KLF7: variants seen among roughly 807,000 people sequenced by gnomAD.
KLF7 encodes the protein KLF transcription factor 7.
In KLF7, 2 loss-of-function variants were observed where a neutral mutation model predicts 27.3. That is an observed-to-expected ratio of 0.07 (90% CI 0.03 to 0.23). The LOEUF (loss-of-function observed/expected upper bound fraction) is 0.23, where lower values mean the gene tolerates loss of function less well. Ranked by LOEUF, KLF7 falls within the 10% of genes least tolerant of loss-of-function variation. KLF7 has a pLI of 1.00. For missense variants in KLF7, 221 were observed against 394.1 expected (o/e 0.56, Z 3.72); for synonymous variants, 165 against 162.4 (o/e 1.02, Z -0.12).
intron 2 of KLF7, among the ~76,000 whole-genome samples, chr2:207,089,605 G>A (rs932085750): frequency 6.6e-6 from 1 of 152,168 alleles, no homozygotes; most frequent in African/African-American, 2.4e-5. Flanking sequence ...CTGAGAGGCA[G>A]GTTAGTATGT....
intron 1 of KLF7, among the ~76,000 whole-genome samples, chr2:207,157,219 T>TAAAAAAAAAAAAAAAAAAAAAAAAAA (rs5838052): frequency 4.6e-5 from 4 of 87,308 alleles, no homozygotes; most frequent in African/African-American, 8.6e-5. Context: ...AACAGAAAAG[T>TAAAAAAAAAAAAAAAAAAAAAAAAAA]AAAAAAAAAA....
chr2:207,106,428 T>C (rs538415416), intron 2 of KLF7, among the ~76,000 whole-genome samples: 2 of 152,274 alleles, frequency 1.3e-5, no homozygotes, highest in South Asian at 4.1e-4. Flanking sequence ...ATGTAAAACA[T>C]ATTTAGAAAG....
intron 3 of KLF7, among the ~76,000 whole-genome samples, chr2:207,082,254 A>G (rs1391882727): frequency 1.3e-5 from 2 of 152,172 alleles, no homozygotes; most frequent in Admixed American, 6.5e-5. Flanking sequence ...GGCCAATGAG[A>G]ACCAGCCCTG....
chr2:207,101,088 C>G (rs1334548930), intron 2 of KLF7, among the ~76,000 whole-genome samples: 1 of 152,194 alleles, frequency 6.6e-6, no homozygotes, highest in African/African-American at 2.4e-5. Context: ...TGCATTATCT[C>G]CGAAACACTT....
At chr2:207,168,332 A>G (rs1329294156), upstream of KLF7, among the ~76,000 whole-genome samples, 1 of 152,252 alleles carries the variant, frequency 6.6e-6, no homozygotes, top group East Asian at 1.9e-4. Flanking sequence ...CCGTATGCGC[A>G]TAAACACTTT....
At position 207,077,489 on chromosome 2, in the gene KLF7, G is replaced by C. The variant is rs529865099; in HGVS notation, c.*3724C>G. ...GCACAAGAGGTGCAGGTGGAGAGGA[G>C]ATGGCGTCGAGAGAAGAGGATATTT... On this transcript the variant is annotated 3_prime_UTR_variant, in exon 4 of 4. Coordinates refer to ENST00000309446, the MANE Select transcript of KLF7 (RefSeq NM_003709.4). The C allele has an allele frequency of 6.6e-6, 1 of 152,246 alleles. No individual in the cohort carries two copies. Among genetic ancestry groups the C allele is most frequent in the East Asian group, 1.9e-4 (1 of 5,192 alleles). The allele number at this position is 152,246 out of a possible 1,614,324, so 9.4% of individuals were successfully genotyped here.
chr2:207,165,637 A>G lies in KLF7; in HGVS notation c.-69T>C. On this transcript the variant is annotated 5_prime_UTR_variant, in exon 1 of 4. Transcript: ENST00000309446. ...ACACAGTTGGGGCTGTTTGTTTGTC[A>G]GTCTGTCTGGCTCACCCCCCAAGAA... is the stretch of plus-strand genomic sequence containing the variant. 1.9e-6 allele frequency: 3 copies of G among 1,607,092 alleles called. No homozygotes were observed. Among genetic ancestry groups the G allele is most frequent in the Non-Finnish European group, 2.5e-6 (3 of 1,176,970 alleles).
intron 2 of KLF7, among the ~76,000 whole-genome samples, chr2:207,109,453 A>G (rs2076969699): frequency 6.6e-6 from 1 of 152,246 alleles, no homozygotes; most frequent in Admixed American, 6.5e-5. Context: ...GTGATGGTTC[A>G]GCAGTGAAAT....
intron 1 of KLF7, among the ~76,000 whole-genome samples, chr2:207,149,707 T>C (rs1288309026): frequency 6.6e-6 from 1 of 152,194 alleles, no homozygotes; most frequent in African/African-American, 2.4e-5. Flanking sequence ...AACATATTCA[T>C]TTGAAGAGTT....
At chr2:207,129,329 C>T (rs2077562153) in intron 1 of KLF7, among the ~76,000 whole-genome samples, 1 of 152,206 alleles carries the variant, frequency 6.6e-6, no homozygotes, top group African/African-American at 2.4e-5. Flanking sequence ...AGGCTTCCCT[C>T]AGCCTGACCT....
chr2:207,091,887 G>A (rs2076520600), intron 2 of KLF7, among the ~76,000 whole-genome samples: 1 of 152,122 alleles, frequency 6.6e-6, no homozygotes, highest in Non-Finnish European at 1.5e-5. Flanking sequence ...CTGTAGCCAT[G>A]ATACATTTGT....
chr2:207,116,734 C>A (rs1303343793), intron 2 of KLF7, among the ~76,000 whole-genome samples: 6 of 152,142 alleles, frequency 3.9e-5, no homozygotes, highest in Non-Finnish European at 5.9e-5. Context: ...TTTACACAGA[C>A]TTCTCATGAC....
intron 1 of KLF7, among the ~76,000 whole-genome samples, chr2:207,148,609 T>A (rs998049260): frequency 6.6e-6 from 1 of 152,228 alleles, no homozygotes; most frequent in Non-Finnish European, 1.5e-5. Context: ...TTTTTTAAAA[T>A]CAGGGGACTT....
rs910967423 is a variant in KLF7, at chr2:207,080,764, T to C, written c.*449A>G. 2.5e-6 allele frequency: 1 copy of C among 400,650 alleles called. No homozygotes were observed. Among genetic ancestry groups the C allele is most frequent in the African/African-American group, 2.1e-5 (1 of 48,658 alleles). 24.8% of individuals were successfully genotyped at this position (400,650 alleles called of 1,614,324 possible). On this transcript the variant is annotated 3_prime_UTR_variant, in exon 4 of 4. Transcript: ENST00000309446. ...CATTAGTGCTACACATATGCAACTT[T>C]AAGATGCTGGATTCTCCTATCAAGT...
At chr2:207,088,382 C>A (rs949002252) in intron 3 of KLF7, 76 bp downstream of exon 3, 7 of 1,522,250 alleles carry the variant, frequency 4.6e-6, no homozygotes, top group Non-Finnish European at 5.4e-6. Flanking sequence ...TAAGTCCAAG[C>A]ACACGGGTGC....
intron 1 of KLF7, chr2:207,134,120 A>T: frequency 6.5e-7 from 1 of 1,528,712 alleles, no homozygotes; most frequent in East Asian, 2.5e-5. Context: ...TTCCTCTCCC[A>T]AATCACTTGC....
intron 2 of KLF7, among the ~76,000 whole-genome samples, chr2:207,106,797 A>G (rs943562815): frequency 2.0e-5 from 3 of 152,148 alleles, no homozygotes; most frequent in African/African-American, 7.2e-5. Flanking sequence ...ACCCGGAAAT[A>G]GGCTGAAAGC....
chr2:207,141,929 A>T (rs2077953629), intron 1 of KLF7, among the ~76,000 whole-genome samples: 1 of 152,042 alleles, frequency 6.6e-6, no homozygotes, highest in Admixed American at 6.6e-5. Context: ...GAAGGAAATA[A>T]TGATGAGCTG....
chr2:207,140,767 C>G (rs1195762016), intron 1 of KLF7, among the ~76,000 whole-genome samples: 1 of 152,004 alleles, frequency 6.6e-6, no homozygotes, highest in African/African-American at 2.4e-5. Context: ...GAAGGGTGGG[C>G]CAGTGGGTGA....
Sources: gnomAD v4.1 joint callset for allele counts (sites outside exome capture counted in the v4.1 genomes callset) on GRCh38, gnomAD v4.1.1 for gene constraint, MANE v1.5 for transcripts, NCBI Gene and HGNC (gene_info 2026-07-23, HGNC 2026-07-21) for gene names.